Variants in ZC4H2 observed in about 807,000 individuals in gnomAD.
ZC4H2 encodes zinc finger C4H2-type containing.
For missense variants in ZC4H2, 137 were observed against 173.9 expected (o/e 0.79, Z 1.19); for synonymous variants, 84 against 66.3 (o/e 1.27, Z -1.30).
intron 1 of ZC4H2, among the ~76,000 whole-genome samples, chrX:64,968,126 T>G (rs950192162): frequency 1.2e-4 from 10 of 85,857 alleles, no homozygotes; most frequent in Non-Finnish European, 1.9e-4. Flanking sequence ...TTAATAACAA[T>G]AGCTATTATA....
intron 1 of ZC4H2, among the ~76,000 whole-genome samples, chrX:65,029,067 T>C (rs1932909465): frequency 9.1e-6 from 1 of 110,070 alleles, no homozygotes; most frequent in East Asian, 2.9e-4. Flanking sequence ...ACAAAAGAAA[T>C]AGGCCAAGAG....
intron 1 of ZC4H2, among the ~76,000 whole-genome samples, chrX:65,029,084 T>C (rs1325222796): frequency 9.1e-6 from 1 of 110,269 alleles, no homozygotes; most frequent in Non-Finnish European, 1.9e-5. Context: ...AGAGTGGAAC[T>C]ATGGGAGGGG....
At chrX:64,984,954 A>C (rs925040856) in intron 1 of ZC4H2, among the ~76,000 whole-genome samples, 13 of 112,113 alleles carry the variant, frequency 1.2e-4, no homozygotes, top group African/African-American at 4.2e-4. Flanking sequence ...GATTTTCCTC[A>C]CTGTCACAAT....
intron 1 of ZC4H2, among the ~76,000 whole-genome samples, chrX:64,963,114 C>A (rs188300159): frequency 2.5e-4 from 28 of 111,155 alleles, no homozygotes; most frequent in Non-Finnish European, 4.2e-4. Flanking sequence ...AAACAGAGAG[C>A]CCAGAAATGA....
rs147412807 is a variant in ZC4H2 at position 64,972,125 on chromosome X, C to T, written c.53+4200G>A. On this transcript the variant is annotated intron_variant, in intron 1 of 4. Coordinates refer to ENST00000374839, the MANE Select transcript of ZC4H2 (RefSeq NM_018684.4). ...ACTTATCTACATGCTCCTTCATCAC[C>T]ATTTAAAAGTCCAAGGAAAACATGG... Among the ~76,000 whole-genome samples, 5 of 111,476 alleles carry T rather than the reference C, an allele frequency of 4.5e-5. No individual in the cohort carries two copies. In the East Asian group the frequency reaches 1.4e-3, roughly 31 times the overall value.
At chrX:64,970,554 A>T (rs1268860578) in intron 1 of ZC4H2, among the ~76,000 whole-genome samples, 3 of 110,744 alleles carry the variant, frequency 2.7e-5, no homozygotes, top group African/African-American at 9.9e-5. Context: ...GGAAGGGAGG[A>T]TATCAATTCA....
At chrX:64,922,216 G>T in intron 1 of ZC4H2, 1 of 658,774 alleles carries the variant, frequency 1.5e-6, no homozygotes. Context: ...TTTGAAACCA[G>T]CATGGGCAAC....
In ZC4H2 at chrX:65,005,166, T is replaced by C. The variant is rs771699690; in HGVS notation, c.-272+29463A>G. On this transcript the variant is annotated intron_variant, in intron 1 of 4. Transcript: ENST00000337990. ...AAATGGCCATACTGCCCGAAGTTATTTATAGATTCAATGCTACCCCCATCA... is the reference window on the plus strand; with the variant it reads ...AAATGGCCATACTGCCCGAAGTTATCTATAGATTCAATGCTACCCCCATCA... 1.3e-3 allele frequency among the ~76,000 whole-genome samples: 145 copies of C among 111,986 alleles called. 1 individual carries two copies. The highest frequency in any genetic ancestry group is 4.6e-3 in the African/African-American group (142 of 30,731).
chrX:64,921,713 T>G, intron 2 of ZC4H2, 104 bp downstream of exon 2: 1 of 924,253 alleles, frequency 1.1e-6, no homozygotes, highest in Non-Finnish European at 1.5e-6. Context: ...CACTGATGCC[T>G]GCTCCCCGAG....
chrX:64,927,843 T>C (rs1399184746), intron 1 of ZC4H2, among the ~76,000 whole-genome samples: 4 of 112,591 alleles, frequency 3.6e-5, no homozygotes, highest in Admixed American at 9.4e-5. Flanking sequence ...AGATAGTATC[T>C]CATTTTGGTT....
intron 1 of ZC4H2, among the ~76,000 whole-genome samples, chrX:64,958,639 T>G (rs1931258248): frequency 1.8e-5 from 2 of 111,378 alleles, no homozygotes; most frequent in African/African-American, 6.5e-5. Flanking sequence ...CTCAGTAATT[T>G]TTTTTTGGTG....
chrX:65,001,909 G>A (rs1932544574), intron 1 of ZC4H2, among the ~76,000 whole-genome samples: 2 of 111,735 alleles, frequency 1.8e-5, no homozygotes, highest in Non-Finnish European at 3.8e-5. Flanking sequence ...AAATATATAT[G>A]CACCCAATAC....
chrX:65,015,602 C>T (rs1932792105), intron 1 of ZC4H2, among the ~76,000 whole-genome samples: 1 of 111,903 alleles, frequency 8.9e-6, no homozygotes, highest in Non-Finnish European at 1.9e-5. Flanking sequence ...CCTGACTTTC[C>T]TCATGATTCT....
At position 64,951,036 on chromosome X, in the gene ZC4H2, T is replaced by G. The variant is rs775803335; in HGVS notation, c.53+25289A>C. Among the ~76,000 whole-genome samples, 108 of 110,901 alleles carry G rather than the reference T, an allele frequency of 9.7e-4. 1 individual carries two copies. The highest frequency in any genetic ancestry group is 9.2e-3 in the Middle Eastern group (2 of 217). ...GTGTTCTCATTGTTCAATTCCCACC[T>G]ATGAGTGAGAACATGCGGTGTTTGG... On this transcript the variant is annotated intron_variant, in intron 1 of 4. Coordinates refer to ENST00000374839, the MANE Select transcript of ZC4H2 (RefSeq NM_018684.4).
rs188042843 is a variant in ZC4H2 at position 64,939,987 on chromosome X, G to A, written c.54-17999C>T. On this transcript the variant is annotated intron_variant, in intron 1 of 4. Coordinates refer to ENST00000374839, the MANE Select transcript of ZC4H2 (RefSeq NM_018684.4). ...CAGCAAAAGAAACTATTATCAGTGG[G>A]AACAGGCAACCTAAAGAATGGGAGA... 9.9e-3 allele frequency among the ~76,000 whole-genome samples: 1,103 copies of A among 111,251 alleles called. 5 individuals are homozygous for A. Among genetic ancestry groups the A allele is most frequent in the Non-Finnish European group, 0.017 (889 of 53,013 alleles).
chrX:64,970,606 A>G (rs1931749710), intron 1 of ZC4H2, among the ~76,000 whole-genome samples: 1 of 111,116 alleles, frequency 9.0e-6, no homozygotes, highest in Non-Finnish European at 1.9e-5. Context: ...GCTATAATAA[A>G]TCTCCCTGTG....
chrX:64,970,096 G>A (rs1392209974), intron 1 of ZC4H2, among the ~76,000 whole-genome samples: 1 of 111,924 alleles, frequency 8.9e-6, no homozygotes, highest in East Asian at 2.8e-4. Context: ...TTTATGCTCA[G>A]TAAATGTCAC....
intron 1 of ZC4H2, among the ~76,000 whole-genome samples, chrX:64,925,928 C>T (rs1045858486): frequency 1.8e-5 from 2 of 112,093 alleles, no homozygotes; most frequent in African/African-American, 6.5e-5. Context: ...TTGTCTATTG[C>T]CTGCTGTGGC....
chrX:64,948,267 G>C (rs1455224100), intron 1 of ZC4H2, among the ~76,000 whole-genome samples: 1 of 111,716 alleles, frequency 9.0e-6, no homozygotes, highest in African/African-American at 3.3e-5. Flanking sequence ...ATTCGTTCCA[G>C]TGATTAACTG....
Sources: gnomAD v4.1 joint callset for allele counts (sites outside exome capture counted in the v4.1 genomes callset) on GRCh38, gnomAD v4.1.1 for gene constraint, MANE v1.5 for transcripts, NCBI Gene and HGNC (gene_info 2026-07-23, HGNC 2026-07-21) for gene names.